NR6A1: variants seen among roughly 807,000 people sequenced by gnomAD.
NR6A1 encodes nuclear receptor subfamily 6 group A member 1.
NR6A1 carries 7 observed loss-of-function variants against 59.1 expected under a neutral mutation model. The observed-to-expected ratio is 0.12, with a 90% CI of 0.07 to 0.22. The LOEUF is 0.22. Ranked by LOEUF, NR6A1 falls within the 10% of genes least tolerant of loss-of-function variation. The pLI is 1.00. For missense variants in NR6A1, 468 were observed against 611.6 expected (o/e 0.77, Z 2.48); for synonymous variants, 243 against 236.1 (o/e 1.03, Z -0.27).
chr9:124,632,689 A>G (rs979002907), intron 2 of NR6A1, among the ~76,000 whole-genome samples: 10 of 152,242 alleles, frequency 6.6e-5, no homozygotes, highest in African/African-American at 2.4e-4. Context: ...TAACAAAAGT[A>G]TCATGCATGA....
chr9:124,652,007 G>A (rs185670115), intron 2 of NR6A1, among the ~76,000 whole-genome samples: 1 of 151,990 alleles, frequency 6.6e-6, no homozygotes, highest in Non-Finnish European at 1.5e-5. Flanking sequence ...GCAGAATAAA[G>A]GAAAAAAACA....
chr9:124,630,973 C>T (rs1334037758), intron 2 of NR6A1, among the ~76,000 whole-genome samples: 1 of 151,858 alleles, frequency 6.6e-6, no homozygotes, highest in Non-Finnish European at 1.5e-5. Context: ...ATGCCGGGCC[C>T]TACATTTCTT....
intron 1 of NR6A1, among the ~76,000 whole-genome samples, chr9:124,736,492 C>T (rs1246039070): frequency 1.3e-5 from 2 of 152,154 alleles, no homozygotes; most frequent in Non-Finnish European, 2.9e-5. Flanking sequence ...GGAGAATTGA[C>T]CCTAACTTTG....
intron 3 of NR6A1, among the ~76,000 whole-genome samples, chr9:124,548,311 T>A (rs956031223): frequency 2.0e-5 from 3 of 152,180 alleles, no homozygotes; most frequent in African/African-American, 7.2e-5. Context: ...AATTTTAAAG[T>A]CTTAATTTAA....
chr9:124,554,264 A>C, intron 3 of NR6A1, 64 bp downstream of exon 3: 2 of 1,609,888 alleles, frequency 1.2e-6, no homozygotes. Context: ...GTAACTAAAC[A>C]GCTGACACTA....
chr9:124,716,385 ATC>A (rs1267569914), intron 2 of NR6A1, among the ~76,000 whole-genome samples: 1 of 152,212 alleles, frequency 6.6e-6, no homozygotes, highest in Non-Finnish European at 1.5e-5. Context: ...AATATAGCAT[ATC>A]TCTGCAATCT....
intron 2 of NR6A1, among the ~76,000 whole-genome samples, chr9:124,568,169 CAAAAAAAAA>C (rs34652433): frequency 8.5e-4 from 26 of 30,448 alleles, no homozygotes; most frequent in African/African-American, 1.7e-3. Flanking sequence ...TACTTCATCT[CAAAAAAAAA>C]AAAAAAAAAA....
chr9:124,662,488 T>C (rs1837471984), intron 2 of NR6A1, among the ~76,000 whole-genome samples: 1 of 152,164 alleles, frequency 6.6e-6, no homozygotes, highest in African/African-American at 2.4e-5. Flanking sequence ...CAGTGAAGTA[T>C]GTAAAGTATC....
In NR6A1 at chr9:124,532,431, C is replaced by T. The variant is rs1383913636; in HGVS notation, c.1079+3447G>A. ...GTTCTCTTCGGATGCCCCGCCATCT[C>T]CACCAACACAACCCTGCACTGTAAG... is the stretch of plus-strand genomic sequence containing the variant. On this transcript the variant is annotated intron_variant, in intron 7 of 9. Coordinates refer to ENST00000487099, the MANE Select transcript of NR6A1 (RefSeq NM_033334.4). 1.4e-4 allele frequency among the ~76,000 whole-genome samples: 22 copies of T among 152,162 alleles called. 1 individual carries two copies. The highest frequency in any genetic ancestry group is 1.4e-3 in the Admixed American group (21 of 15,272).
intron 3 of NR6A1, among the ~76,000 whole-genome samples, chr9:124,551,027 C>T (rs1400796225): frequency 6.6e-6 from 1 of 152,132 alleles, no homozygotes; most frequent in Non-Finnish European, 1.5e-5. Flanking sequence ...GGCTTCTGTG[C>T]CCTTTGATAT....
At chr9:124,691,854 C>A (rs927009660) in intron 2 of NR6A1, among the ~76,000 whole-genome samples, 1 of 152,116 alleles carries the variant, frequency 6.6e-6, no homozygotes, top group East Asian at 1.9e-4. Context: ...ATAGACCTAC[C>A]TGCTATTATT....
intron 2 of NR6A1, among the ~76,000 whole-genome samples, chr9:124,732,548 A>G (rs1253864364): frequency 6.6e-6 from 1 of 152,194 alleles, no homozygotes; most frequent in Non-Finnish European, 1.5e-5. Flanking sequence ...TAAGACCGTA[A>G]ATGAAAATTA....
At position 124,518,739 on chromosome 9, in the gene NR6A1, ATT is replaced by A. The variant is rs1832738651; in HGVS notation, c.*3964_*3965del. The stretch of plus-strand genomic sequence containing the variant: ...TAAGAGTAGCGGATTTTTTTGTTAA[ATT>A]TTGTTTGTTTTTTGGGTTTTTTTTT... On this transcript the variant is annotated 3_prime_UTR_variant, in exon 10 of 10. Transcript: ENST00000487099. 6.6e-6 allele frequency: 1 copy of A among 151,286 alleles called. No homozygotes were observed. The highest frequency in any genetic ancestry group is 2.1e-4 in the South Asian group (1 of 4,800). 9.4% of individuals were successfully genotyped at this position (151,286 alleles called of 1,614,324 possible).
At chr9:124,594,591 G>C (rs888196073) in intron 2 of NR6A1, among the ~76,000 whole-genome samples, 1 of 152,146 alleles carries the variant, frequency 6.6e-6, no homozygotes. Flanking sequence ...TATGCATACT[G>C]GGGGAGGAGG....
At position 124,621,157 on chromosome 9, in the gene NR6A1, C is replaced by A. The variant is rs573387786; in HGVS notation, c.143-66587G>T. Among the ~76,000 whole-genome samples, 7 of 152,274 alleles carry A rather than the reference C, an allele frequency of 4.6e-5. No homozygotes were observed. The South Asian group carries it at 1.0e-3, about 23-fold the overall frequency. Reference sequence around the variant, plus strand: ...CAGTGATGACCAGGGGCTTTGCCTGCAAAGTATACTCCTTTTTAAAATTCT... The same window carrying A: ...CAGTGATGACCAGGGGCTTTGCCTGAAAAGTATACTCCTTTTTAAAATTCT... On this transcript the variant is annotated intron_variant, in intron 2 of 9. Transcript: ENST00000487099.
chr9:124,731,579 TCCTCTA>T (rs2131124884), intron 2 of NR6A1, among the ~76,000 whole-genome samples: 1 of 152,164 alleles, frequency 6.6e-6, no homozygotes, highest in South Asian at 2.1e-4. Context: ...CCCTTTCACC[TCCTCTA>T]CCTCTTTCAC....
chr9:124,663,828 T>G (rs950631533), intron 2 of NR6A1, among the ~76,000 whole-genome samples: 1 of 152,202 alleles, frequency 6.6e-6, no homozygotes, highest in Non-Finnish European at 1.5e-5. Flanking sequence ...ACAGAAAAAG[T>G]ATTATTTGAA....
At chr9:124,712,939 C>A (rs185767813) in intron 2 of NR6A1, among the ~76,000 whole-genome samples, 58 of 152,188 alleles carry the variant, frequency 3.8e-4, no homozygotes, top group African/African-American at 1.3e-3. Flanking sequence ...AAACTCTTAG[C>A]AAACTAGCAA....
intron 2 of NR6A1, among the ~76,000 whole-genome samples, chr9:124,568,192 A>G (rs1203747223): frequency 3.3e-5 from 5 of 149,674 alleles, no homozygotes; most frequent in South Asian, 2.1e-4. Flanking sequence ...AAAAAAAAAA[A>G]AAAGAAACAG....
Sources: allele counts gnomAD v4.1 joint callset (sites outside exome capture counted in the v4.1 genomes callset), GRCh38; gene constraint gnomAD v4.1.1; transcripts MANE v1.5; gene names NCBI Gene and HGNC (gene_info 2026-07-23, HGNC 2026-07-21).